The following RHAG variants were observed in gnomAD, a reference collection of about 807,000 sequenced individuals.
RHAG encodes ammonium transporter Rh type A.
Under a neutral mutation model 42.4 loss-of-function variants are expected in RHAG, and 25 were observed. That is an observed-to-expected ratio of 0.59 (90% confidence interval 0.43 to 0.82). The LOEUF is 0.82. Among genes scored for constraint, RHAG ranks in the 40% least tolerant of loss-of-function variants. The pLI is 0.00. For synonymous variants in RHAG, 182 were observed against 177.7 expected (o/e 1.02, Z -0.19); for missense variants, 483 against 504.6 (o/e 0.96, Z 0.41).
intron 1 of RHAG, among the ~76,000 whole-genome samples, chr6:49,625,301 C>A (rs1335360867): frequency 6.6e-6 from 1 of 152,200 alleles, no homozygotes; most frequent in Non-Finnish European, 1.5e-5. Context: ...GGCAGACAAT[C>A]TGGGTTGGAA....
Position 49,612,468 on chromosome 6 carries a change from G to T in RHAG, c.874C>A (p.His292Asn). The T allele has an allele frequency of 6.2e-7, 1 of 1,614,046 alleles. No homozygotes were observed. The highest frequency in any genetic ancestry group is 8.5e-7 in the Non-Finnish European group (1 of 1,179,916). ...AVGTCADMAI[H>N]PFGSMIIGSI... ...CCAATAATCATAGAACCAAATGGGTGAATTGCCATATCCGCACAAGTGCCC... is the reference window on the plus strand; with the variant it reads ...CCAATAATCATAGAACCAAATGGGTTAATTGCCATATCCGCACAAGTGCCC... Residue 292 changes from histidine to asparagine, a missense_variant, in exon 6 of 10, where the codon CAC becomes AAC. Physicochemically the swap from His to Asn is moderately conservative, Grantham distance 68 (BLOSUM62 1). Coordinates refer to ENST00000371175, the MANE Select transcript of RHAG (RefSeq NM_000324.3).
chr6:49,619,315 T>A lies in RHAG; in HGVS notation c.205A>T (p.Met69Leu), dbSNP rs752360703. The part of the protein sequence containing the change: ...VMIFVGFGFL[M>L]TFLKKYGFSS... ...AAGCCATATTTCTTCAGGAAGGTCATGAGGAAGCCAAACCCAACAAATATC... is the reference window on the plus strand; with the variant it reads ...AAGCCATATTTCTTCAGGAAGGTCAAGAGGAAGCCAAACCCAACAAATATC... Residue 69 changes from methionine to leucine, a missense_variant, in exon 2 of 10, where the codon ATG (methionine) becomes TTG (leucine). Physicochemically the swap from Met to Leu is conservative, Grantham distance 15 (BLOSUM62 2). Transcript: ENST00000371175. The A allele has an allele frequency of 1.9e-6, 3 of 1,614,080 alleles. No homozygotes were observed. Among genetic ancestry groups the A allele is most frequent in the Non-Finnish European group, 2.5e-6 (3 of 1,180,006 alleles).
chr6:49,619,052 ACT>A, intron 2 of RHAG, 125 bp downstream of exon 2: 1 of 1,002,082 alleles, frequency 1.0e-6, no homozygotes, highest in African/African-American at 1.6e-5. Flanking sequence ...ATTCATAAAC[ACT>A]CTGCCTTCAT....
intron 1 of RHAG, among the ~76,000 whole-genome samples, chr6:49,629,119 A>G (rs1290267709): frequency 6.6e-6 from 1 of 152,082 alleles, no homozygotes; most frequent in Non-Finnish European, 1.5e-5. Context: ...TATCCACACA[A>G]AGGTTCTCCA....
intron 9 of RHAG, 56 bp from the exon 10 acceptor site, chr6:49,605,886 A>G (rs942789754): frequency 1.2e-5 from 16 of 1,388,910 alleles, no homozygotes; most frequent in South Asian, 3.5e-5. Flanking sequence ...TTCTTGTCAG[A>G]AATTAGTATT....
At chr6:49,617,030 C>T (rs937929003) in intron 3 of RHAG, among the ~76,000 whole-genome samples, 2 of 152,182 alleles carry the variant, frequency 1.3e-5, no homozygotes, top group African/African-American at 2.4e-5. Context: ...TCAAATAAGT[C>T]TTCATTCAGC....
At chr6:49,619,732 TTC>T (rs1762721912) in intron 1 of RHAG, among the ~76,000 whole-genome samples, 1 of 152,338 alleles carries the variant, frequency 6.6e-6, no homozygotes, top group East Asian at 1.9e-4. Flanking sequence ...CAGAATTATT[TTC>T]TGTTTTCATT....
At chr6:49,614,376 A>G (rs1248984338) in intron 5 of RHAG, among the ~76,000 whole-genome samples, 1 of 138,234 alleles carries the variant, frequency 7.2e-6, no homozygotes, top group African/African-American at 2.8e-5. Context: ...TTTTTTTTGT[A>G]TTTTTAGTAG....
intron 6 of RHAG, among the ~76,000 whole-genome samples, chr6:49,611,555 C>G (rs1432802046): frequency 6.6e-6 from 1 of 152,162 alleles, no homozygotes; most frequent in Non-Finnish European, 1.5e-5. Flanking sequence ...CCATTTCCTT[C>G]TCCACCCAGA....
At chr6:49,634,484 G>A (rs1762977510) in intron 1 of RHAG, among the ~76,000 whole-genome samples, 1 of 152,058 alleles carries the variant, frequency 6.6e-6, no homozygotes, top group South Asian at 2.1e-4. Context: ...AATGAAATCA[G>A]TATATTGAAG....
intron 1 of RHAG, among the ~76,000 whole-genome samples, chr6:49,633,297 T>A (rs1474189396): frequency 6.6e-6 from 1 of 152,126 alleles, no homozygotes; most frequent in Non-Finnish European, 1.5e-5. Context: ...GCACTGGCAC[T>A]GGGCATGGAA....
chr6:49,611,386 T>C (rs1762566629), intron 6 of RHAG, among the ~76,000 whole-genome samples: 1 of 152,234 alleles, frequency 6.6e-6, no homozygotes, highest in African/African-American at 2.4e-5. Flanking sequence ...TGTTGTTTTT[T>C]TGTGTTAAGA....
At chr6:49,625,615 A>G (rs1433444013) in intron 1 of RHAG, among the ~76,000 whole-genome samples, 3 of 152,148 alleles carry the variant, frequency 2.0e-5, no homozygotes, top group Non-Finnish European at 4.4e-5. Context: ...CACCATCACC[A>G]CCACCATCAG....
intron 8 of RHAG, 71 bp downstream of exon 8, chr6:49,607,079 G>T (rs528334680): frequency 2.9e-6 from 4 of 1,381,708 alleles, no homozygotes; most frequent in Non-Finnish European, 4.1e-6. Context: ...CAATTGACTT[G>T]CTCATTAATT....
chr6:49,617,798 A>G (rs1018098965), intron 3 of RHAG, among the ~76,000 whole-genome samples: 2 of 152,250 alleles, frequency 1.3e-5, no homozygotes, highest in African/African-American at 4.8e-5. Flanking sequence ...CTCGCAAGCC[A>G]TTCAGCATCT....
At chr6:49,622,402 G>A (rs1342296154) in intron 1 of RHAG, among the ~76,000 whole-genome samples, 1 of 152,050 alleles carries the variant, frequency 6.6e-6, no homozygotes, top group Non-Finnish European at 1.5e-5. Flanking sequence ...AGTGGGGACA[G>A]GGTTTCACCA....
chr6:49,618,416 A>G (rs956956558), intron 2 of RHAG, among the ~76,000 whole-genome samples, 198 bp from the exon 3 acceptor site: 2 of 152,028 alleles, frequency 1.3e-5, no homozygotes, highest in Non-Finnish European at 2.9e-5. Context: ...CTTTTATCTC[A>G]TTTAGGGTTT....
intron 9 of RHAG, 99 bp downstream of exon 9, chr6:49,606,749 T>A (rs1347729771): frequency 1.2e-6 from 1 of 862,880 alleles, no homozygotes; most frequent in African/African-American, 1.7e-5. Flanking sequence ...TAACTCAATT[T>A]CATCACACCT....
intron 7 of RHAG, among the ~76,000 whole-genome samples, chr6:49,609,501 A>G (rs547657790): frequency 1.3e-5 from 2 of 152,226 alleles, no homozygotes; most frequent in Non-Finnish European, 2.9e-5. Flanking sequence ...GAGCTCATTC[A>G]CACAGGCTTT....
Sources: allele counts gnomAD v4.1 joint callset (sites outside exome capture counted in the v4.1 genomes callset), GRCh38; gene constraint gnomAD v4.1.1; transcripts MANE v1.5; gene names NCBI Gene and HGNC (gene_info 2026-07-23, HGNC 2026-07-21).